Variants in NSMCE2 observed in about 807,000 individuals in gnomAD.
NSMCE2 encodes E3 SUMO-protein ligase NSE2.
In NSMCE2, 24 loss-of-function variants were observed where a neutral mutation model predicts 23.8. That is an observed-to-expected ratio of 1.01 (90% CI 0.73 to 1.42). NSMCE2 has a LOEUF of 1.42. Among genes scored for constraint, NSMCE2 ranks in the 40% most tolerant of loss-of-function variants. NSMCE2 has a pLI of 0.00. For synonymous variants in NSMCE2, 92 were observed against 94.1 expected, an observed-to-expected ratio of 0.98 and a Z score of 0.13; for missense variants, 284 against 296.5, an observed-to-expected ratio of 0.96 and a Z score of 0.31.
intron 5 of NSMCE2, among the ~76,000 whole-genome samples, chr8:125,317,667 A>T (rs79883754): frequency 6.6e-6 from 1 of 152,322 alleles, no homozygotes; most frequent in East Asian, 1.9e-4. Flanking sequence ...GTATAGCAAC[A>T]CTATTATCTG....
intron 3 of NSMCE2, among the ~76,000 whole-genome samples, chr8:125,110,486 A>G (rs771458872): frequency 3.3e-5 from 5 of 152,136 alleles, no homozygotes; most frequent in African/African-American, 4.8e-5. Flanking sequence ...TACATGTGCT[A>G]TTTCATTTGA....
At chr8:125,316,420 A>G (rs1240208734) in intron 5 of NSMCE2, among the ~76,000 whole-genome samples, 1 of 152,232 alleles carries the variant, frequency 6.6e-6, no homozygotes. Context: ...TACAAAGTCT[A>G]TTCCAACTAT....
At chr8:125,364,556 T>C (rs1813702444) in intron 7 of NSMCE2, among the ~76,000 whole-genome samples, 1 of 152,260 alleles carries the variant, frequency 6.6e-6, no homozygotes, top group African/African-American at 2.4e-5. Context: ...TATTTGTATT[T>C]CACAGTTGCA....
At chr8:125,212,113 G>T (rs576795267) in intron 5 of NSMCE2, among the ~76,000 whole-genome samples, 47 of 152,274 alleles carry the variant, frequency 3.1e-4, no homozygotes, top group African/African-American at 1.1e-3. Context: ...ATTAGTTTCT[G>T]CCTTTGTGTT....
intron 5 of NSMCE2, among the ~76,000 whole-genome samples, chr8:125,267,011 T>TTTTG (rs1328538912): frequency 1.4e-5 from 2 of 144,406 alleles, no homozygotes; most frequent in African/African-American, 5.1e-5. Context: ...TTCTTTTTTT[T>TTTTG]TTTTTTTTTT....
chr8:125,298,695 T>G (rs936265278), intron 5 of NSMCE2, among the ~76,000 whole-genome samples: 3 of 101,796 alleles, frequency 2.9e-5, no homozygotes, highest in Non-Finnish European at 4.3e-5. Flanking sequence ...GGGTTTTTTT[T>G]TGTTTTTTTT....
At chr8:125,347,467 A>T (rs766577185) in intron 5 of NSMCE2, among the ~76,000 whole-genome samples, 1 of 152,204 alleles carries the variant, frequency 6.6e-6, no homozygotes, top group African/African-American at 2.4e-5. Flanking sequence ...ACAGGATATA[A>T]ATATTCATAT....
At chr8:125,182,374 C>T (rs768864390) in intron 5 of NSMCE2, 118 bp downstream of exon 5, 4 of 818,296 alleles carry the variant, frequency 4.9e-6, no homozygotes, top group Admixed American at 2.5e-5. Context: ...GATCCTCATT[C>T]TAAGTTGCGT....
At chr8:125,240,249 C>T (rs574284647) in intron 5 of NSMCE2, among the ~76,000 whole-genome samples, 11 of 152,106 alleles carry the variant, frequency 7.2e-5, no homozygotes, top group South Asian at 4.2e-4. Flanking sequence ...CTCAGCCTCC[C>T]GAGTAGCTGG....
intron 3 of NSMCE2, among the ~76,000 whole-genome samples, chr8:125,138,445 C>T (rs1022750796): frequency 2.6e-5 from 4 of 151,670 alleles, no homozygotes; most frequent in African/African-American, 7.3e-5. Flanking sequence ...AGGCTGGTCT[C>T]GAACTTCTGG....
intron 3 of NSMCE2, among the ~76,000 whole-genome samples, chr8:125,128,105 A>G (rs73348148): frequency 0.099 from 15,017 of 152,218 alleles, 951 homozygotes; most frequent in South Asian, 0.17. Flanking sequence ...CAGAAGCTGG[A>G]GAGACTTGGA....
chr8:125,202,964 G>A (rs1162478790), intron 5 of NSMCE2, among the ~76,000 whole-genome samples: 1 of 152,136 alleles, frequency 6.6e-6, no homozygotes, highest in Non-Finnish European at 1.5e-5. Context: ...ACCTTTTCTT[G>A]ATAGGAAGAC....
chr8:125,229,724 C>G (rs1384775811), intron 5 of NSMCE2, among the ~76,000 whole-genome samples: 2 of 152,060 alleles, frequency 1.3e-5, no homozygotes, highest in African/African-American at 2.4e-5. Context: ...GATTAAAAAG[C>G]CAGGAGTCTG....
intron 5 of NSMCE2, among the ~76,000 whole-genome samples, chr8:125,345,733 A>T (rs1246441639): frequency 6.6e-6 from 1 of 152,212 alleles, no homozygotes; most frequent in African/African-American, 2.4e-5. Context: ...GCACAAACTA[A>T]TGTGCTAAAT....
At chr8:125,138,528 T>G (rs896662389) in intron 3 of NSMCE2, among the ~76,000 whole-genome samples, 75 of 152,004 alleles carry the variant, frequency 4.9e-4, no homozygotes, top group African/African-American at 1.7e-3. Flanking sequence ...GCCTGGCTGG[T>G]TTTTTTGTTG....
At chr8:125,290,753 C>A (rs538048073) in intron 5 of NSMCE2, among the ~76,000 whole-genome samples, 42 of 152,312 alleles carry the variant, frequency 2.8e-4, no homozygotes, top group African/African-American at 9.4e-4. Flanking sequence ...AGAGACAGTT[C>A]TCAGACAGGA....
chr8:125,246,649 A>C (rs995467695), intron 5 of NSMCE2, among the ~76,000 whole-genome samples: 1 of 152,220 alleles, frequency 6.6e-6, no homozygotes, highest in East Asian at 1.9e-4. Context: ...CAAATGTCCT[A>C]TGTTATCTAA....
intron 3 of NSMCE2, among the ~76,000 whole-genome samples, chr8:125,125,954 G>A (rs538887946): frequency 3.3e-5 from 5 of 152,188 alleles, no homozygotes; most frequent in Middle Eastern, 3.4e-3. Flanking sequence ...TTTTTGTAAC[G>A]AGCAGTAAAC....
intron 5 of NSMCE2, among the ~76,000 whole-genome samples, chr8:125,214,454 C>A (rs562602165): frequency 6.6e-6 from 1 of 152,172 alleles, no homozygotes; most frequent in Non-Finnish European, 1.5e-5. Context: ...TGGGGGCTCA[C>A]GGTCTCAACA....
Sources: gnomAD v4.1 joint callset for allele counts (sites outside exome capture counted in the v4.1 genomes callset) on GRCh38, gnomAD v4.1.1 for gene constraint, MANE v1.5 for transcripts, NCBI Gene and HGNC (gene_info 2026-07-23, HGNC 2026-07-21) for gene names.